Variants in RAP2B observed in about 807,000 individuals in gnomAD.
RAP2B encodes ras-related protein Rap-2b.
A neutral mutation model predicts 14.4 loss-of-function variants in RAP2B; 6 were observed. The observed-to-expected ratio is 0.42, with a 90% confidence interval of 0.23 to 0.82. RAP2B has a LOEUF of 0.82. Among genes scored for constraint, RAP2B ranks in the 40% least tolerant of loss-of-function variants. RAP2B has a pLI of 0.30. For synonymous variants in RAP2B, 118 were observed against 113.2 expected, an observed-to-expected ratio of 1.04 and a Z score of -0.27; for missense variants, 137 against 248.2, an observed-to-expected ratio of 0.55 and a Z score of 3.01.
Position 153,163,725 on chromosome 3 carries a change from TGGAA to T in RAP2B, c.*486_*489del, listed in dbSNP as rs1713489321. The T allele has an allele frequency of 6.7e-6, 1 of 148,162 alleles. No individual in the cohort carries two copies. The highest frequency in any genetic ancestry group is 2.7e-5 in the African/African-American group (1 of 37,120). The allele number at this position is 148,162 out of a possible 1,614,324, so 9.2% of individuals were successfully genotyped here. A position where few individuals can be genotyped will look rare whatever the true frequency, so the allele number is the denominator to read the frequency against. On this transcript the variant is annotated 3_prime_UTR_variant, in exon 1 of 1. Coordinates refer to ENST00000323534, the MANE Select transcript of RAP2B (RefSeq NM_002886.4). ...TTTCTAGTTCCAAGTTTTAAATACATGGAAGGAAGTCCGGGAGAACCATATGAAG... is the reference window on the plus strand; with the variant it reads ...TTTCTAGTTCCAAGTTTTAAATACATGGAAGTCCGGGAGAACCATATGAAG...
In RAP2B at chr3:153,162,672, C is replaced by G. The variant is rs986807648; in HGVS notation, c.-22C>G. On this transcript the variant is annotated 5_prime_UTR_variant, in exon 1 of 1. Transcript: ENST00000323534. This position sits in a 1 kb window ranked among gnomAD's most constrained non-coding sequence, Gnocchi z 4.9. Reference sequence around the variant, plus strand: ...AGCCCCGACGGGGCCGCGGCAGGCGCGGCGAGAGCGCTGACGGAGCCATGA... The same window carrying G: ...AGCCCCGACGGGGCCGCGGCAGGCGGGGCGAGAGCGCTGACGGAGCCATGA... 2.9e-5 allele frequency: 45 copies of G among 1,573,638 alleles called. No individual in the cohort carries two copies. Among genetic ancestry groups the G allele is most frequent in the Non-Finnish European group, 3.8e-5 (44 of 1,159,246 alleles).
chr3:153,163,291 G>T lies in RAP2B; in HGVS notation c.*46G>T, dbSNP rs1467915500. On this transcript the variant is annotated 3_prime_UTR_variant, in exon 1 of 1. Transcript: ENST00000323534. ...CGCGCTCTGCGCACAAAAGCCAAAC[G>T]CATCCGACTCTCTAAATGTGATTTA... is the stretch of plus-strand genomic sequence containing the variant. 2.0e-6 allele frequency: 3 copies of T among 1,486,618 alleles called. No individual in the cohort carries two copies. The South Asian group carries it at 4.2e-5, about 21-fold the overall frequency. 92.1% of individuals were successfully genotyped at this position (1,486,618 alleles called of 1,614,324 possible). A position where few individuals can be genotyped will look rare whatever the true frequency, so the allele number is the denominator to read the frequency against.
At position 153,162,667 on chromosome 3, in the gene RAP2B, A is replaced by G; in HGVS notation, c.-27A>G. On this transcript the variant is annotated 5_prime_UTR_variant, in exon 1 of 1. Transcript: ENST00000323534. The surrounding 1 kb of genome is among the most constrained non-coding windows in gnomAD (Gnocchi z 4.9). ...CGCGCAGCCCCGACGGGGCCGCGGCAGGCGCGGCGAGAGCGCTGACGGAGC... is the reference window on the plus strand; with the variant it reads ...CGCGCAGCCCCGACGGGGCCGCGGCGGGCGCGGCGAGAGCGCTGACGGAGC... 2.6e-6 allele frequency: 4 copies of G among 1,567,982 alleles called. No homozygotes were observed. Among genetic ancestry groups the G allele is most frequent in the Non-Finnish European group, 3.5e-6 (4 of 1,157,146 alleles).
At position 153,162,563 on chromosome 3, in the gene RAP2B, G is replaced by C; in HGVS notation, c.-131G>C. On this transcript the variant is annotated 5_prime_UTR_variant, in exon 1 of 1. Coordinates refer to ENST00000323534, the MANE Select transcript of RAP2B (RefSeq NM_002886.4). The surrounding 1 kb of genome is among the most constrained non-coding windows in gnomAD (Gnocchi z 4.9). ...GGTGGTTTCCGCCCTGCGTTCTCTG[G>C]GTTGCTCTCTCCTGGGTTTTTCCTG... The C allele has an allele frequency of 8.8e-7, 1 of 1,142,604 alleles. No individual in the cohort carries two copies. The highest frequency in any genetic ancestry group is 2.6e-5 in the East Asian group (1 of 38,038). The allele number at this position is 1,142,604 out of a possible 1,614,324, so 70.8% of individuals were successfully genotyped here.
At position 153,163,312 on chromosome 3, in the gene RAP2B, A is replaced by T; in HGVS notation, c.*67A>T. On this transcript the variant is annotated 3_prime_UTR_variant, in exon 1 of 1. Coordinates refer to ENST00000323534, the MANE Select transcript of RAP2B (RefSeq NM_002886.4). ...AAACGCATCCGACTCTCTAAATGTG[A>T]TTTATTTCTTGCTTTGAGATTGGAG... 4 of 1,460,554 alleles carry T rather than the reference A, an allele frequency of 2.7e-6. No homozygotes were observed. Among genetic ancestry groups the T allele is most frequent in the Non-Finnish European group, 3.6e-6 (4 of 1,106,284 alleles). 90.5% of individuals were successfully genotyped at this position (1,460,554 alleles called of 1,614,324 possible).
At position 153,163,270 on chromosome 3, in the gene RAP2B, C is replaced by T. The variant is rs896111353; in HGVS notation, c.*25C>T. 1.3e-6 allele frequency: 2 copies of T among 1,505,408 alleles called. No homozygotes were observed. The highest frequency in any genetic ancestry group is 1.8e-6 in the Non-Finnish European group (2 of 1,130,404). The allele number at this position is 1,505,408 out of a possible 1,614,324, so 93.3% of individuals were successfully genotyped here. A position where few individuals can be genotyped will look rare whatever the true frequency, so the allele number is the denominator to read the frequency against. On this transcript the variant is annotated 3_prime_UTR_variant, in exon 1 of 1. Transcript: ENST00000323534. Reference sequence around the variant, plus strand: ...AGGCGGCCACCGCGCGCCGGCCGCGCTCTGCGCACAAAAGCCAAACGCATC... The same window carrying T: ...AGGCGGCCACCGCGCGCCGGCCGCGTTCTGCGCACAAAAGCCAAACGCATC...
chr3:153,162,711 G>T lies in RAP2B; in HGVS notation c.18G>T (p.Val6=), dbSNP rs1445998332. Residue 6 remains valine, a synonymous_variant, in exon 1 of 1, where the codon GTG becomes GTT. Transcript: ENST00000323534. This position sits in a 1 kb window ranked among gnomAD's most constrained non-coding sequence, Gnocchi z 4.9. ...ACGGAGCCATGAGAGAGTACAAAGT[G>T]GTGGTGCTGGGCTCGGGCGGCGTGG... MREYK[V]VVLGSGGVGK... The T allele has an allele frequency of 6.2e-7, 1 of 1,612,300 alleles. No individual in the cohort carries two copies.
At position 153,168,765 on chromosome 3, in the gene RAP2B, C is replaced by T. The variant is rs1160609987; in HGVS notation, c.*5520C>T. Reference sequence around the variant, plus strand: ...TTGCCCATCTGATAAAGGAACATTCCTGTATGCTATTCTAAGGTTCATTTT... The same window carrying T: ...TTGCCCATCTGATAAAGGAACATTCTTGTATGCTATTCTAAGGTTCATTTT... On this transcript the variant is annotated 3_prime_UTR_variant, in exon 1 of 1. Transcript: ENST00000323534. 1 of 152,092 alleles carries T rather than the reference C, an allele frequency of 6.6e-6. No homozygotes were observed. The highest frequency in any genetic ancestry group is 2.4e-5 in the African/African-American group (1 of 41,422). 9.4% of individuals were successfully genotyped at this position (152,092 alleles called of 1,614,324 possible).
At position 153,166,410 on chromosome 3, in the gene RAP2B, G is replaced by T. The variant is rs1713578243; in HGVS notation, c.*3165G>T. ...AATGAAAAAGTTAGTGTTAAAGGAA[G>T]TGAGTCAGGGAGGGCGGAGTTTGTT... On this transcript the variant is annotated 3_prime_UTR_variant, in exon 1 of 1. Coordinates refer to ENST00000323534, the MANE Select transcript of RAP2B (RefSeq NM_002886.4). 1 of 167,056 alleles carries T rather than the reference G, an allele frequency of 6.0e-6. No homozygotes were observed. The highest frequency in any genetic ancestry group is 1.5e-5 in the Non-Finnish European group (1 of 68,100). 10.3% of individuals were successfully genotyped at this position (167,056 alleles called of 1,614,324 possible). A position where few individuals can be genotyped will look rare whatever the true frequency, so the allele number is the denominator to read the frequency against.
rs574537222 is a variant in RAP2B, at chr3:153,166,876, C to G, written c.*3631C>G. 6.0e-6 allele frequency: 1 copy of G among 166,882 alleles called. No homozygotes were observed. Among genetic ancestry groups the G allele is most frequent in the African/African-American group, 2.4e-5 (1 of 41,422 alleles). The allele number at this position is 166,882 out of a possible 1,614,324, so 10.3% of individuals were successfully genotyped here. A position where few individuals can be genotyped will look rare whatever the true frequency, so the allele number is the denominator to read the frequency against. ...GTTCAGGTAGTTTTGTTATTGTACC[C>G]TCTTTTGGGTCATATTCTAGTATTT... On this transcript the variant is annotated 3_prime_UTR_variant, in exon 1 of 1. Coordinates refer to ENST00000323534, the MANE Select transcript of RAP2B (RefSeq NM_002886.4).
rs557540310 is a variant in RAP2B at position 153,166,738 on chromosome 3, G to A, written c.*3493G>A. The A allele has an allele frequency of 1.3e-4, 21 of 166,810 alleles. No homozygotes were observed. The South Asian group carries it at 3.9e-3, about 31-fold the overall frequency. 10.3% of individuals were successfully genotyped at this position (166,810 alleles called of 1,614,324 possible). A position where few individuals can be genotyped will look rare whatever the true frequency, so the allele number is the denominator to read the frequency against. On this transcript the variant is annotated 3_prime_UTR_variant, in exon 1 of 1. Transcript: ENST00000323534. ...TGTAGACTTAATTGAATCACATTTT[G>A]GGACCAGATGTATTTGGGGATAGAA... is the stretch of plus-strand genomic sequence containing the variant.
Position 153,162,491 on chromosome 3 carries a change from G to T in RAP2B, c.-203G>T. ...GCGGGGCCCGGACCCGCACCCCAGGGATACGCTGCCGCCGCCGCCGGCCGG... is the reference window on the plus strand; with the variant it reads ...GCGGGGCCCGGACCCGCACCCCAGGTATACGCTGCCGCCGCCGCCGGCCGG... On this transcript the variant is annotated 5_prime_UTR_variant, in exon 1 of 1. Coordinates refer to ENST00000323534, the MANE Select transcript of RAP2B (RefSeq NM_002886.4). This position sits in a 1 kb window ranked among gnomAD's most constrained non-coding sequence, Gnocchi z 4.9. The T allele has an allele frequency of 1.8e-6, 1 of 542,606 alleles. No individual in the cohort carries two copies. The highest frequency in any genetic ancestry group is 3.1e-6 in the Non-Finnish European group (1 of 326,962). The allele number at this position is 542,606 out of a possible 1,614,324, so 33.6% of individuals were successfully genotyped here.
rs1051790532 is a variant in RAP2B at position 153,170,360 on chromosome 3, C to T, written c.*7115C>T. ...TTCAACACTTATTGAGCACATACTA[C>T]TATTATTAATAGCTGTACTGCGAGC... On this transcript the variant is annotated 3_prime_UTR_variant, in exon 1 of 1. Coordinates refer to ENST00000323534, the MANE Select transcript of RAP2B (RefSeq NM_002886.4). The T allele has an allele frequency of 6.6e-6, 1 of 152,200 alleles. No homozygotes were observed. The highest frequency in any genetic ancestry group is 2.4e-5 in the African/African-American group (1 of 41,432). The allele number at this position is 152,200 out of a possible 1,614,324, so 9.4% of individuals were successfully genotyped here. A position where few individuals can be genotyped will look rare whatever the true frequency, so the allele number is the denominator to read the frequency against.
rs1314595126 is a variant in RAP2B at position 153,163,068 on chromosome 3, G to T, written c.375G>T (p.Glu125Asp). ...GNKVDLEGER[E>D]VSYGEGKALA... ...AGGTGGACCTGGAGGGTGAGCGCGA[G>T]GTCTCGTACGGGGAGGGCAAGGCCC... The change falls in exon 1 of 1, where the codon GAG (glutamate) becomes GAT (aspartate). Residue 125 changes from glutamate to aspartate, a missense_variant. Physicochemically the swap from Glu to Asp is conservative, Grantham distance 45. Coordinates refer to ENST00000323534, the MANE Select transcript of RAP2B (RefSeq NM_002886.4). The T allele has an allele frequency of 6.2e-7, 1 of 1,614,034 alleles. No individual in the cohort carries two copies. The highest frequency in any genetic ancestry group is 1.7e-5 in the Admixed American group (1 of 60,032).
Position 153,166,857 on chromosome 3 carries a change from G to A in RAP2B, c.*3612G>A, listed in dbSNP as rs1026779032. ...TGCCTGATCTATTTTATCTGTTCAGGTAGTTTTGTTATTGTACCCTCTTTT... is the reference window on the plus strand; with the variant it reads ...TGCCTGATCTATTTTATCTGTTCAGATAGTTTTGTTATTGTACCCTCTTTT... On this transcript the variant is annotated 3_prime_UTR_variant, in exon 1 of 1. Transcript: ENST00000323534. The A allele has an allele frequency of 1.2e-5, 2 of 166,848 alleles. No individual in the cohort carries two copies. The highest frequency in any genetic ancestry group is 2.9e-5 in the Non-Finnish European group (2 of 68,080). The allele number at this position is 166,848 out of a possible 1,614,324, so 10.3% of individuals were successfully genotyped here.
chr3:153,162,421 C>T lies in RAP2B; in HGVS notation c.-273C>T, dbSNP rs189135092. ...GCCTCGCGCAGGCTGCGGGCATTGT[C>T]CTCTCGGTTCGCCGCCCGGGCTGCT... On this transcript the variant is annotated 5_prime_UTR_variant, in exon 1 of 1. Transcript: ENST00000323534. The surrounding 1 kb of genome is among the most constrained non-coding windows in gnomAD (Gnocchi z 4.9). 6.9e-4 allele frequency: 186 copies of T among 268,314 alleles called. No individual in the cohort carries two copies. The highest frequency in any genetic ancestry group is 1.1e-3 in the Non-Finnish European group (156 of 144,768). 16.6% of individuals were successfully genotyped at this position (268,314 alleles called of 1,614,324 possible). A position where few individuals can be genotyped will look rare whatever the true frequency, so the allele number is the denominator to read the frequency against.
rs1321479737 is a variant in RAP2B at position 153,170,595 on chromosome 3, T to C, written c.*7350T>C. ...TGGGCCTTTGAAAGGTATGTGGAAA[T>C]TGTAAATAAAAATGGATTCCATGAA... On this transcript the variant is annotated 3_prime_UTR_variant, in exon 1 of 1. Coordinates refer to ENST00000323534, the MANE Select transcript of RAP2B (RefSeq NM_002886.4). The C allele has an allele frequency of 6.6e-6, 1 of 152,220 alleles. No homozygotes were observed. Among genetic ancestry groups the C allele is most frequent in the Non-Finnish European group, 1.5e-5 (1 of 68,038 alleles). 9.4% of individuals were successfully genotyped at this position (152,220 alleles called of 1,614,324 possible).
rs1713637437 is a variant in RAP2B, at chr3:153,168,346, G to A, written c.*5101G>A. ...GTAGTAGCTACTATTTAGATGCTGAGAATAATATTATCATGCTTGGGTGGG... is the reference window on the plus strand; with the variant it reads ...GTAGTAGCTACTATTTAGATGCTGAAAATAATATTATCATGCTTGGGTGGG... On this transcript the variant is annotated 3_prime_UTR_variant, in exon 1 of 1. Transcript: ENST00000323534. The A allele has an allele frequency of 6.0e-6, 1 of 167,024 alleles. No individual in the cohort carries two copies. The highest frequency in any genetic ancestry group is 2.4e-5 in the African/African-American group (1 of 41,452). 10.3% of individuals were successfully genotyped at this position (167,024 alleles called of 1,614,324 possible).
rs569526892 is a variant in RAP2B at position 153,169,746 on chromosome 3, A to G, written c.*6501A>G. The G allele has an allele frequency of 1.3e-5, 2 of 151,796 alleles. 1 individual carries two copies. Among genetic ancestry groups the G allele is most frequent in the African/African-American group, 4.9e-5 (2 of 41,204 alleles). 9.4% of individuals were successfully genotyped at this position (151,796 alleles called of 1,614,324 possible). ...GCGTGAGCCACTGCACCCGGCTGAG[A>G]TGATAATTTTATTTAAAAAAAAAAT... is the stretch of plus-strand genomic sequence containing the variant. On this transcript the variant is annotated 3_prime_UTR_variant, in exon 1 of 1. Transcript: ENST00000323534.
Sources: allele counts gnomAD v4.1 joint callset, GRCh38; gene constraint gnomAD v4.1.1; non-coding constraint Gnocchi (gnomAD v3.1); transcripts MANE v1.5; gene names NCBI Gene and HGNC (gene_info 2026-07-23, HGNC 2026-07-21).